IQCM: variants seen among roughly 807,000 people sequenced by gnomAD.
IQCM encodes IQ motif containing M, also known as IQ domain-containing protein M.
In IQCM, 45 loss-of-function variants were observed where a neutral mutation model predicts 57.6. The ratio of observed to expected loss-of-function variants is 0.78; its 90% CI spans 0.62 to 1.00. The LOEUF is 1.00. Ranked by LOEUF, IQCM falls within the 50% of genes least tolerant of loss-of-function variation. The probability of loss-of-function intolerance (pLI) is 0.00; values close to 1 mark genes in which losing one functional copy is unlikely to be tolerated. For synonymous variants in IQCM, 148 were observed against 158.9 expected, an observed-to-expected ratio of 0.93 and a Z score of 0.51; for missense variants, 468 against 511.6, an observed-to-expected ratio of 0.91 and a Z score of 0.82.
chr4:149,722,983 T>C (rs1265051841), intron 5 of IQCM, among the ~76,000 whole-genome samples: 2 of 152,212 alleles, frequency 1.3e-5, no homozygotes, highest in East Asian at 1.9e-4. Context: ...CAGTGTTTTA[T>C]AGTTCTTGTA....
chr4:149,654,389 T>A (rs1451539347), intron 7 of IQCM, among the ~76,000 whole-genome samples: 2 of 152,106 alleles, frequency 1.3e-5, no homozygotes, highest in Non-Finnish European at 2.9e-5. Context: ...GGGTTCTTGG[T>A]AGATGTGGTT....
chr4:149,676,078 T>C (rs1354741356), intron 7 of IQCM, among the ~76,000 whole-genome samples: 1 of 152,066 alleles, frequency 6.6e-6, no homozygotes, highest in Non-Finnish European at 1.5e-5. Flanking sequence ...TCTGTTTCCT[T>C]ACAAAAGCTT....
chr4:149,527,993 T>G (rs1039393874), intron 12 of IQCM, among the ~76,000 whole-genome samples: 5 of 151,274 alleles, frequency 3.3e-5, no homozygotes, highest in Non-Finnish European at 7.4e-5. Flanking sequence ...TTTTTGTTTT[T>G]TTTTTTTTTT....
chr4:149,398,892 T>C (rs1732421741), intron 13 of IQCM, among the ~76,000 whole-genome samples: 1 of 151,802 alleles, frequency 6.6e-6, no homozygotes, highest in Non-Finnish European at 1.5e-5. Context: ...GTTGTTGTTT[T>C]CTTTTTATTT....
intron 13 of IQCM, among the ~76,000 whole-genome samples, chr4:149,406,331 C>T (rs1732978545): frequency 6.6e-6 from 1 of 152,074 alleles, no homozygotes; most frequent in East Asian, 1.9e-4. Flanking sequence ...TACCACCAGT[C>T]AGGGAGGTAA....
intron 5 of IQCM, among the ~76,000 whole-genome samples, chr4:149,716,612 C>A (rs1465870056): frequency 1.3e-5 from 2 of 152,168 alleles, no homozygotes; most frequent in Admixed American, 1.3e-4. Context: ...CAAGCCTGCC[C>A]GGCTGCAGCC....
At chr4:149,474,038 C>G (rs144563803) in intron 12 of IQCM, among the ~76,000 whole-genome samples, 1 of 151,694 alleles carries the variant, frequency 6.6e-6, no homozygotes, top group Admixed American at 6.6e-5. Context: ...GACAAGTTAA[C>G]GGGTGCAGCA....
At chr4:149,624,175 C>T (rs4607195) in intron 7 of IQCM, among the ~76,000 whole-genome samples, 32,139 of 151,624 alleles carry the variant, frequency 0.21, 4,252 homozygotes, top group Non-Finnish European at 0.28. Context: ...TGTGTGCGCG[C>T]GCATGCATGT....
intron 13 of IQCM, among the ~76,000 whole-genome samples, chr4:149,366,028 G>A (rs1278960560): frequency 1.3e-5 from 2 of 152,044 alleles, no homozygotes; most frequent in Non-Finnish European, 2.9e-5. Flanking sequence ...TCTCATAGAT[G>A]TTAATAGGAG....
rs374422841 is a variant in IQCM, at chr4:149,775,285, T to C, written c.-48-32546A>G. Among the ~76,000 whole-genome samples, 14 of 152,174 alleles carry C rather than the reference T, an allele frequency of 9.2e-5. No individual in the cohort carries two copies. The South Asian group carries it at 2.9e-3, about 32-fold the overall frequency. ...CTCCAAAAGCAAATGTCTCACAATA[T>C]GACCCAGAATACTATTTCTCAGCCC... On this transcript the variant is annotated intron_variant, in intron 2 of 13. Coordinates refer to ENST00000636793, the MANE Select transcript of IQCM (RefSeq NM_001363507.2).
Position 149,658,940 on chromosome 4 carries a change from T to C in IQCM, c.565+23178A>G, listed in dbSNP as rs1362372631. On this transcript the variant is annotated intron_variant, in intron 7 of 13. Coordinates refer to ENST00000636793, the MANE Select transcript of IQCM (RefSeq NM_001363507.2). ...TTCAAACAGGAACACTTTGACCTTC[T>C]CCTTTCCAATTTGGATGCATCTTGT... Among the ~76,000 whole-genome samples, 3 of 152,110 alleles carry C rather than the reference T, an allele frequency of 2.0e-5. No individual in the cohort carries two copies. The East Asian group carries it at 5.8e-4, about 29-fold the overall frequency.
intron 5 of IQCM, among the ~76,000 whole-genome samples, chr4:149,702,143 A>G (rs960229071): frequency 3.3e-5 from 5 of 151,998 alleles, no homozygotes; most frequent in African/African-American, 1.2e-4. Context: ...ATCTGCCACA[A>G]ATATAAAGTC....
rs562127013 is a variant in IQCM, at chr4:149,497,435, C to T, written c.1228+51020G>A. 1.1e-4 allele frequency among the ~76,000 whole-genome samples: 16 copies of T among 152,180 alleles called. No individual in the cohort carries two copies. In the South Asian group the frequency reaches 2.1e-3, roughly 20 times the overall value. ...AATTTCCAAAAGAGGTTTATTAGAA[C>T]GTGGCTAGGTAGGCCTCACAATCAT... On this transcript the variant is annotated intron_variant, in intron 12 of 13. Coordinates refer to ENST00000636793, the MANE Select transcript of IQCM (RefSeq NM_001363507.2).
intron 12 of IQCM, among the ~76,000 whole-genome samples, chr4:149,534,638 A>T (rs1178668850): frequency 6.6e-6 from 1 of 152,110 alleles, no homozygotes; most frequent in Non-Finnish European, 1.5e-5. Context: ...TTATGGTAGG[A>T]ACATGAGATA....
At chr4:149,796,802 T>C (rs1773155979) in intron 2 of IQCM, among the ~76,000 whole-genome samples, 1 of 152,110 alleles carries the variant, frequency 6.6e-6, no homozygotes, top group South Asian at 2.1e-4. Context: ...CCAGATCTTG[T>C]CCAAAACTAT....
At chr4:149,802,628 T>C (rs553047495) in intron 2 of IQCM, among the ~76,000 whole-genome samples, 40 of 152,158 alleles carry the variant, frequency 2.6e-4, no homozygotes, top group African/African-American at 9.6e-4. Flanking sequence ...TTCCTAACTT[T>C]GGCTCAAGTA....
intron 12 of IQCM, among the ~76,000 whole-genome samples, chr4:149,487,403 G>C (rs914557364): frequency 6.6e-6 from 1 of 152,164 alleles, no homozygotes; most frequent in Non-Finnish European, 1.5e-5. Context: ...TTGGGGGAGA[G>C]ATGGTGTAAG....
At chr4:149,650,314 A>G (rs1353398620) in intron 7 of IQCM, among the ~76,000 whole-genome samples, 2 of 152,152 alleles carry the variant, frequency 1.3e-5, no homozygotes, top group Non-Finnish European at 2.9e-5. Context: ...ACGGGCTACC[A>G]GAAGCTAAAA....
At chr4:149,711,439 C>CT (rs973658637) in intron 5 of IQCM, among the ~76,000 whole-genome samples, 1 of 152,152 alleles carries the variant, frequency 6.6e-6, no homozygotes, top group Admixed American at 6.6e-5. Flanking sequence ...GTCTCTGAGT[C>CT]TGAGTTTTCC....
Sources: gnomAD v4.1 joint callset for allele counts (sites outside exome capture counted in the v4.1 genomes callset) on GRCh38, gnomAD v4.1.1 for gene constraint, MANE v1.5 for transcripts, NCBI Gene and HGNC (gene_info 2026-07-23, HGNC 2026-07-21) for gene names.